Variants in IRAG2 observed in about 807,000 individuals in gnomAD.
The protein encoded by IRAG2 is lymphoid restricted membrane protein.
A neutral mutation model predicts 69.9 loss-of-function variants in IRAG2; 45 were observed. The observed-to-expected ratio is 0.64, with a 90% CI of 0.51 to 0.83. IRAG2 has a LOEUF of 0.83. Ranked by LOEUF, IRAG2 falls within the 40% of genes least tolerant of loss-of-function variation. The probability of loss-of-function intolerance (pLI) is 0.00; values close to 1 mark genes in which losing one functional copy is unlikely to be tolerated. For missense variants in IRAG2, 520 were observed against 587.0 expected (o/e 0.89, Z 1.18); for synonymous variants, 193 against 202.4 (o/e 0.95, Z 0.40).
rs376784693 is a variant in IRAG2, at chr12:25,077,209, G to GATATATATATGAAAT, written c.25-2027_25-2026insATGAAATATATATAT. Among the ~76,000 whole-genome samples the GATATATATATGAAAT allele has an allele frequency of 2.4e-4, 8 of 33,720 alleles. 1 individual carries two copies. The highest frequency in any genetic ancestry group is 5.9e-4 in the Non-Finnish European group (8 of 13,446). The allele number at this position is 33,720 out of a possible 152,430, so 22.1% of individuals were successfully genotyped here. A position where few individuals can be genotyped will look rare whatever the true frequency, so the allele number is the denominator to read the frequency against. ...TGATATATATATGAAATATATATATGATATATATGAAATATATATGATATA... is the reference window on the plus strand; with the variant it reads ...TGATATATATATGAAATATATATATGATATATATATGAAATATATATATGAAATATATATGATATA... On this transcript the variant is annotated intron_variant, in intron 6 of 21. Coordinates refer to ENST00000556887, the MANE Select transcript of IRAG2 (RefSeq NM_001366544.2).
At chr12:25,004,591 G>A (rs924706027) in exon 1 of IRAG2, 106 of 1,231,946 alleles carry the variant, frequency 8.6e-5, no homozygotes, top group Non-Finnish European at 1.1e-4. Context: ...GGAAGTCGAT[G>A]CCTTCATTTC....
chr12:25,075,022 T>G (rs1027260021), intron 6 of IRAG2, among the ~76,000 whole-genome samples: 2 of 152,212 alleles, frequency 1.3e-5, no homozygotes, highest in African/African-American at 2.4e-5. Flanking sequence ...AGAAGTTGAC[T>G]GATAACTATA....
chr12:25,002,645 T>TTC (rs1491394782), upstream of IRAG2, among the ~76,000 whole-genome samples: 40 of 135,752 alleles, frequency 2.9e-4, 1 homozygote, highest in African/African-American at 5.8e-4. Flanking sequence ...CTTCTTCTTC[T>TTC]TTTCTTTTTT....
At chr12:25,018,397 G>A (rs1036968429) in intron 6 of IRAG2, among the ~76,000 whole-genome samples, 5 of 151,796 alleles carry the variant, frequency 3.3e-5, no homozygotes, top group African/African-American at 1.2e-4. Flanking sequence ...GTAGAGACAA[G>A]GTCTTGCCAT....
At position 25,079,241 on chromosome 12, in the gene IRAG2, A is replaced by C; in HGVS notation, c.25-3A>C. On this transcript the variant is annotated splice_polypyrimidine_tract_variant and splice_region_variant and intron_variant, in intron 6 of 21. Transcript: ENST00000556887. ...ACTTATGTCTCCTTTCTTTTTCCTT[A>C]AGGAGAATGGTGTTGAACGCGTGTG... 1 of 1,613,942 alleles carries C rather than the reference A, an allele frequency of 6.2e-7. No individual in the cohort carries two copies. Among genetic ancestry groups the C allele is most frequent in the Non-Finnish European group, 8.5e-7 (1 of 1,179,888 alleles).
At chr12:25,002,391 T>C (rs776015593), upstream of IRAG2, among the ~76,000 whole-genome samples, 4 of 152,200 alleles carry the variant, frequency 2.6e-5, no homozygotes, top group Non-Finnish European at 5.9e-5. Flanking sequence ...ATTGAGTATC[T>C]AGAAAAAATC....
chr12:25,084,154 G>A (rs1360463807), intron 10 of IRAG2, among the ~76,000 whole-genome samples: 6 of 152,176 alleles, frequency 3.9e-5, no homozygotes, highest in East Asian at 1.9e-4. Flanking sequence ...TTGAGAGATC[G>A]AGGTGGAAGG....
chr12:25,067,680 T>G (rs1946073255), intron 5 of IRAG2, among the ~76,000 whole-genome samples: 1 of 151,844 alleles, frequency 6.6e-6, no homozygotes, highest in African/African-American at 2.4e-5. Context: ...TTTAAATTTA[T>G]TTTTTTGGAG....
intron 16 of IRAG2, among the ~76,000 whole-genome samples, chr12:25,041,118 C>T (rs565052727): frequency 1.4e-4 from 21 of 152,032 alleles, no homozygotes; most frequent in South Asian, 1.0e-3. Flanking sequence ...AGCAAGGAGC[C>T]GGTGCCAGGA....
At chr12:25,042,714 C>T (rs1392484327) in intron 16 of IRAG2, among the ~76,000 whole-genome samples, 1 of 151,754 alleles carries the variant, frequency 6.6e-6, no homozygotes, top group Non-Finnish European at 1.5e-5. Context: ...ATCCACCTGC[C>T]TCGGCCTCCC....
chr12:25,074,065 T>G (rs780217069), intron 6 of IRAG2, among the ~76,000 whole-genome samples: 1 of 152,252 alleles, frequency 6.6e-6, no homozygotes, highest in Non-Finnish European at 1.5e-5. Context: ...TTATTACTTA[T>G]TAGCTGTGTG....
At chr12:25,059,843 C>A (rs1295853169) in intron 1 of IRAG2, among the ~76,000 whole-genome samples, 1 of 151,980 alleles carries the variant, frequency 6.6e-6, no homozygotes, top group African/African-American at 2.4e-5. Context: ...ATAATTGAAG[C>A]TTTTAGAGCC....
intron 13 of IRAG2, 83 bp downstream of exon 13, chr12:25,089,873 C>G: frequency 7.1e-7 from 1 of 1,408,678 alleles, no homozygotes; most frequent in Non-Finnish European, 1.0e-6. Context: ...TTGGCACAAG[C>G]TCTCATATGC....
intron 6 of IRAG2, among the ~76,000 whole-genome samples, chr12:25,077,200 T>TATATATATGATATATATGAAATATATATG (rs1403207047): frequency 1.5e-5 from 1 of 67,192 alleles, no homozygotes; most frequent in African/African-American, 4.2e-5. Flanking sequence ...ATATATGAAA[T>TATATATATGATATATATGAAATATATATG]ATATATATGA....
rs536398654 is a variant in IRAG2, at chr12:25,038,649, A to AT, written c.2144+512_2144+513insT. 7.2e-5 allele frequency among the ~76,000 whole-genome samples: 11 copies of AT among 151,918 alleles called. No homozygotes were observed. In the East Asian group the frequency reaches 2.1e-3, roughly 29 times the overall value. On this transcript the variant is annotated intron_variant, in intron 16 of 38. Transcript: ENST00000636465. ...GAGTGAGACTCCATTTCAAAAAAAA[A>AT]AAAAAAATCTGTGGAAACCAGTATA...
At chr12:25,030,443 A>G (rs950909278) in intron 10 of IRAG2, 3 of 709,376 alleles carry the variant, frequency 4.2e-6, no homozygotes, top group Non-Finnish European at 5.8e-6. Flanking sequence ...CTGGAGTGCA[A>G]TGGCATGATC....
intron 16 of IRAG2, among the ~76,000 whole-genome samples, chr12:25,038,460 T>G (rs1944721349): frequency 6.6e-6 from 1 of 152,160 alleles, no homozygotes; most frequent in South Asian, 2.1e-4. Flanking sequence ...CTGGCCAACA[T>G]GGTGAAACCC....
At chr12:25,072,223 G>T (rs566594980) in intron 6 of IRAG2, among the ~76,000 whole-genome samples, 1 of 151,726 alleles carries the variant, frequency 6.6e-6, no homozygotes, top group Non-Finnish European at 1.5e-5. Flanking sequence ...AAAAAAGAAA[G>T]AAAAAGAAAA....
intron 16 of IRAG2, among the ~76,000 whole-genome samples, chr12:25,046,416 CT>C (rs1288353380): frequency 6.6e-6 from 1 of 151,954 alleles, no homozygotes; most frequent in Non-Finnish European, 1.5e-5. Flanking sequence ...AAAATGATCT[CT>C]GCAGATAACA....
Sources: allele counts gnomAD v4.1 joint callset (sites outside exome capture counted in the v4.1 genomes callset), GRCh38; gene constraint gnomAD v4.1.1; transcripts MANE v1.5; gene names NCBI Gene and HGNC (gene_info 2026-07-23, HGNC 2026-07-21).